Variants in SOBP observed in about 807,000 individuals in gnomAD.
The protein encoded by SOBP is sine oculis-binding protein homolog.
SOBP carries 4 observed loss-of-function variants against 53.6 expected under a neutral mutation model. The observed-to-expected ratio is 0.07, with a 90% CI of 0.04 to 0.17. The LOEUF (loss-of-function observed/expected upper bound fraction) is 0.17, where lower values mean the gene tolerates loss of function less well. Ranked by LOEUF, SOBP falls within the 10% of genes least tolerant of loss-of-function variation. The probability of loss-of-function intolerance (pLI) is 1.00; values close to 1 mark genes in which losing one functional copy is unlikely to be tolerated. For missense variants in SOBP, 1,088 were observed against 1,204.7 expected, an observed-to-expected ratio of 0.90 and a Z score of 1.43; for synonymous variants, 584 against 522.6, an observed-to-expected ratio of 1.12 and a Z score of -1.60.
chr6:107,499,561 C>A (rs565383393), intron 1 of SOBP, among the ~76,000 whole-genome samples: 4 of 152,274 alleles, frequency 2.6e-5, no homozygotes, highest in African/African-American at 9.6e-5. Flanking sequence ...ATATTGAAAT[C>A]TCTGGCACAT....
chr6:107,533,391 AG>A, intron 3 of SOBP, 67 bp from the exon 4 acceptor site: 1 of 1,543,342 alleles, frequency 6.5e-7, no homozygotes, highest in Non-Finnish European at 8.9e-7. Context: ...TGTCAGGTTC[AG>A]GGTGTGTCTA....
intron 3 of SOBP, among the ~76,000 whole-genome samples, chr6:107,507,988 A>G (rs1783046348): frequency 6.6e-6 from 1 of 152,162 alleles, no homozygotes; most frequent in African/African-American, 2.4e-5. Flanking sequence ...CTCCCTGTAA[A>G]ATGTTGGAAT....
At chr6:107,580,903 G>A (rs890074727) in intron 4 of SOBP, among the ~76,000 whole-genome samples, 1 of 152,274 alleles carries the variant, frequency 6.6e-6, no homozygotes. Flanking sequence ...CTGAGACTCG[G>A]GTATGGAGAA....
At chr6:107,506,116 G>A in intron 2 of SOBP, 126 bp from the exon 3 acceptor site, 1 of 824,974 alleles carries the variant, frequency 1.2e-6, no homozygotes, top group South Asian at 1.5e-5. Flanking sequence ...CTAGTACATT[G>A]TTTAAAGATT....
intron 6 of SOBP, among the ~76,000 whole-genome samples, chr6:107,657,423 G>T (rs559869603): frequency 2.4e-4 from 36 of 152,334 alleles, no homozygotes; most frequent in African/African-American, 8.2e-4. Context: ...GTGAAGAGAT[G>T]TGAATGGCTC....
chr6:107,499,678 A>G (rs1236789579), intron 1 of SOBP, among the ~76,000 whole-genome samples: 4 of 152,206 alleles, frequency 2.6e-5, no homozygotes, highest in African/African-American at 9.6e-5. Flanking sequence ...AAGGTATTTT[A>G]TTTCTTATAT....
chr6:107,598,833 A>G (rs1028291113), intron 5 of SOBP, among the ~76,000 whole-genome samples: 1 of 152,218 alleles, frequency 6.6e-6, no homozygotes, highest in Non-Finnish European at 1.5e-5. Context: ...ATCTTAATAT[A>G]AATAACTGGC....
chr6:107,567,505 G>A (rs556153421), intron 4 of SOBP, among the ~76,000 whole-genome samples: 1 of 152,322 alleles, frequency 6.6e-6, no homozygotes, highest in East Asian at 1.9e-4. Context: ...TTCCTTGAGA[G>A]AAGTCACCAG....
chr6:107,597,355 A>T (rs1046940775), intron 5 of SOBP, among the ~76,000 whole-genome samples: 1 of 152,228 alleles, frequency 6.6e-6, no homozygotes, highest in African/African-American at 2.4e-5. Context: ...AAATATTTAT[A>T]TACTTACCAG....
At chr6:107,533,687 C>A in intron 4 of SOBP, 77 bp downstream of exon 4, 1 of 1,560,916 alleles carries the variant, frequency 6.4e-7, no homozygotes. Flanking sequence ...TAGCTTCTAG[C>A]GGAAAACACT....
chr6:107,591,968 G>GTTTTTTTTTTTTTTTT (rs56210027), intron 5 of SOBP, among the ~76,000 whole-genome samples: 1 of 88,636 alleles, frequency 1.1e-5, no homozygotes, highest in Non-Finnish European at 2.2e-5. Flanking sequence ...GTCTTTTGGT[G>GTTTTTTTTTTTTTTTT]TTTTTTTTTT....
At chr6:107,533,007 T>C (rs566317928) in intron 3 of SOBP, among the ~76,000 whole-genome samples, 1 of 152,294 alleles carries the variant, frequency 6.6e-6, no homozygotes, top group South Asian at 2.1e-4. Flanking sequence ...GCCTGGCGTC[T>C]GGTCAAGGTT....
chr6:107,656,464 A>AC (rs1247776985), intron 6 of SOBP, among the ~76,000 whole-genome samples: 7 of 152,068 alleles, frequency 4.6e-5, no homozygotes, highest in African/African-American at 1.7e-4. Context: ...TTGTAATTCC[A>AC]CCCCCATTAC....
intron 6 of SOBP, among the ~76,000 whole-genome samples, chr6:107,649,721 A>G (rs766288642): frequency 1.1e-4 from 16 of 152,048 alleles, no homozygotes; most frequent in Non-Finnish European, 2.2e-4. Context: ...GTTAGTCATG[A>G]ATCCCTCCAT....
At chr6:107,494,469 C>G (rs1165442742) in intron 1 of SOBP, among the ~76,000 whole-genome samples, 3 of 152,122 alleles carry the variant, frequency 2.0e-5, no homozygotes, top group Non-Finnish European at 4.4e-5. Context: ...GCACATAGAT[C>G]TTTTGTGATC....
At chr6:107,509,359 A>T (rs1357151686) in intron 3 of SOBP, among the ~76,000 whole-genome samples, 2 of 149,504 alleles carry the variant, frequency 1.3e-5, no homozygotes, top group Non-Finnish European at 1.5e-5. Flanking sequence ...GCGCCATTGC[A>T]CTCCAGCCTG....
chr6:107,563,255 G>A (rs947357856), intron 4 of SOBP, among the ~76,000 whole-genome samples: 10 of 152,064 alleles, frequency 6.6e-5, no homozygotes, highest in Admixed American at 4.6e-4. Context: ...AGACCCCATC[G>A]CAAACAAAGA....
chr6:107,652,854 C>CA (rs1396245644), intron 6 of SOBP, among the ~76,000 whole-genome samples: 2 of 129,506 alleles, frequency 1.5e-5, no homozygotes, highest in African/African-American at 3.6e-5. Context: ...TGATTGTTAG[C>CA]ATTTTTTTTT....
chr6:107,605,010 G>C (rs977153531), intron 5 of SOBP, among the ~76,000 whole-genome samples: 2 of 152,086 alleles, frequency 1.3e-5, no homozygotes, highest in Admixed American at 1.3e-4. Flanking sequence ...CTTCCCTTCA[G>C]GTCCCAGTCA....
Sources: allele counts gnomAD v4.1 joint callset (sites outside exome capture counted in the v4.1 genomes callset), GRCh38; gene constraint gnomAD v4.1.1; transcripts MANE v1.5; gene names NCBI Gene and HGNC (gene_info 2026-07-23, HGNC 2026-07-21).